Variants in NTM observed in about 807,000 individuals in gnomAD.
NTM encodes neurotrimin, also known as IgLON family member 2.
A neutral mutation model predicts 42.1 loss-of-function variants in NTM; 13 were observed. The observed-to-expected ratio is 0.31, with a 90% CI of 0.20 to 0.49. The LOEUF (loss-of-function observed/expected upper bound fraction) is 0.49, where lower values mean the gene tolerates loss of function less well. Ranked by LOEUF, NTM falls within the 20% of genes least tolerant of loss-of-function variation. The pLI is 0.99. For missense variants in NTM, 373 were observed against 452.8 expected, an observed-to-expected ratio of 0.82 and a Z score of 1.60; for synonymous variants, 187 against 179.2, an observed-to-expected ratio of 1.04 and a Z score of -0.35.
Position 131,971,987 on chromosome 11 carries a change from G to A in NTM, c.167+60339G>A, listed in dbSNP as rs1223154496. Among the ~76,000 whole-genome samples, 3 of 146,190 alleles carry A rather than the reference G, an allele frequency of 2.1e-5. No individual in the cohort carries two copies. In the Admixed American group the frequency reaches 2.1e-4, roughly 10 times the overall value. ...GAACCCTGGATGCGGAGCTTGCAGT[G>A]GGCTGAGATTGCGCCACTGCACTCC... On this transcript the variant is annotated intron_variant, in intron 2 of 8. Transcript: ENST00000683400.
At chr11:131,999,337 A>G (rs1276631513) in intron 2 of NTM, among the ~76,000 whole-genome samples, 2 of 152,220 alleles carry the variant, frequency 1.3e-5, no homozygotes, top group East Asian at 1.9e-4. Context: ...AGCCAAGTCA[A>G]TAATTCAAGC....
At chr11:131,584,032 T>C (rs2058641679) in intron 1 of NTM, among the ~76,000 whole-genome samples, 1 of 152,184 alleles carries the variant, frequency 6.6e-6, no homozygotes, top group Non-Finnish European at 1.5e-5. Flanking sequence ...AGTGATGTTT[T>C]ATGAATGCTG....
In NTM at chr11:132,162,667, G is replaced by T. The variant is rs570943049; in HGVS notation, c.400+16153G>T. Among the ~76,000 whole-genome samples the T allele has an allele frequency of 2.3e-3, 345 of 147,846 alleles. 1 individual carries two copies. The highest frequency in any genetic ancestry group is 8.2e-3 in the African/African-American group (315 of 38,514). ...ATGTGTGTGTTTGTGGGGCTTGTGT[G>T]AGTGTGTGTGTGTTTGTGTAGGGAA... On this transcript the variant is annotated intron_variant, in intron 3 of 8. Coordinates refer to ENST00000683400, the MANE Select transcript of NTM (RefSeq NM_001352005.2).
intron 2 of NTM, among the ~76,000 whole-genome samples, chr11:132,104,594 T>G (rs1380927860): frequency 2.0e-5 from 2 of 99,248 alleles, no homozygotes; most frequent in African/African-American, 4.5e-5. Context: ...CCACCAAAAA[T>G]AATAATAACT....
chr11:132,139,803 A>T (rs1181294025), intron 2 of NTM, among the ~76,000 whole-genome samples: 1 of 152,190 alleles, frequency 6.6e-6, no homozygotes. Flanking sequence ...AGTTTGTGAA[A>T]GATGGGAGAT....
intron 1 of NTM, among the ~76,000 whole-genome samples, chr11:131,378,941 C>T (rs997145332): frequency 6.6e-5 from 10 of 152,232 alleles, no homozygotes; most frequent in African/African-American, 2.4e-4. Context: ...AGAAGTGATG[C>T]TGGCTCCACT....
intron 1 of NTM, among the ~76,000 whole-genome samples, chr11:131,789,636 A>AAGAAGAAGAAGAAGAAGAAGAAG (rs1555127950): frequency 6.5e-5 from 2 of 30,900 alleles, no homozygotes; most frequent in African/African-American, 2.4e-4. Flanking sequence ...AAGAAGAAGA[A>AAGAAGAAGAAGAAGAAGAAGAAG]AAGAAGAAGA....
chr11:131,573,679 C>T (rs1229030206), intron 1 of NTM: 2 of 152,198 alleles, frequency 1.3e-5, no homozygotes, highest in South Asian at 2.1e-4. Context: ...TTAACAAGTG[C>T]CTTCTATCCA....
intron 1 of NTM, among the ~76,000 whole-genome samples, chr11:131,635,501 G>A (rs1297947177): frequency 6.6e-6 from 1 of 152,140 alleles, no homozygotes; most frequent in Non-Finnish European, 1.5e-5. Flanking sequence ...GAAAGATAAT[G>A]TTTTTGTACA....
At chr11:132,192,457 C>T (rs1337613069) in intron 3 of NTM, among the ~76,000 whole-genome samples, 1 of 152,086 alleles carries the variant, frequency 6.6e-6, no homozygotes, top group Non-Finnish European at 1.5e-5. Flanking sequence ...TTCAGACAAG[C>T]AAACACTAAG....
At chr11:131,926,210 G>T (rs1245715355) in intron 2 of NTM, among the ~76,000 whole-genome samples, 1 of 152,166 alleles carries the variant, frequency 6.6e-6, no homozygotes, top group Non-Finnish European at 1.5e-5. Context: ...CCCTGGCTGA[G>T]TAAACAGAGT....
intron 2 of NTM, among the ~76,000 whole-genome samples, chr11:132,045,886 G>C (rs1016235850): frequency 2.6e-5 from 4 of 152,192 alleles, no homozygotes; most frequent in African/African-American, 9.7e-5. Flanking sequence ...AAATCTGTCC[G>C]AGGATCTGGA....
At chr11:131,864,813 A>G (rs970446085) in intron 1 of NTM, among the ~76,000 whole-genome samples, 3 of 152,200 alleles carry the variant, frequency 2.0e-5, no homozygotes, top group African/African-American at 7.2e-5. Context: ...GACAGTTCTC[A>G]TATTCAGAAT....
At chr11:131,723,537 C>T (rs976647589) in intron 1 of NTM, among the ~76,000 whole-genome samples, 1 of 152,166 alleles carries the variant, frequency 6.6e-6, no homozygotes, top group Admixed American at 6.6e-5. Context: ...TATTTCCTTC[C>T]TTCCTTTTTC....
chr11:131,474,714 A>G (rs1323684008), intron 1 of NTM, among the ~76,000 whole-genome samples: 1 of 152,140 alleles, frequency 6.6e-6, no homozygotes, highest in African/African-American at 2.4e-5. Context: ...TTTCAAATAT[A>G]GGCCCATCTT....
At chr11:132,310,400 T>G (rs2095245620) in intron 6 of NTM, among the ~76,000 whole-genome samples, 168 bp downstream of exon 6, 1 of 152,164 alleles carries the variant, frequency 6.6e-6, no homozygotes, top group Non-Finnish European at 1.5e-5. Flanking sequence ...TTAATGGATT[T>G]CAGCTACGTT....
chr11:131,770,461 C>T (rs1363786744), intron 1 of NTM, among the ~76,000 whole-genome samples: 1 of 152,222 alleles, frequency 6.6e-6, no homozygotes, highest in Non-Finnish European at 1.5e-5. Flanking sequence ...CTTCCAAGAG[C>T]AGTCACTTCA....
At chr11:131,632,497 T>C (rs1366935444) in intron 1 of NTM, among the ~76,000 whole-genome samples, 4 of 152,146 alleles carry the variant, frequency 2.6e-5, no homozygotes, top group Non-Finnish European at 5.9e-5. Flanking sequence ...AAAGCTCTCA[T>C]GGACAATGGT....
At chr11:132,166,813 C>T (rs766380125) in intron 3 of NTM, among the ~76,000 whole-genome samples, 2 of 152,194 alleles carry the variant, frequency 1.3e-5, no homozygotes, top group African/African-American at 2.4e-5. Context: ...CACTGACCAT[C>T]ATTCCTAGCA....
Sources: allele counts gnomAD v4.1 joint callset (sites outside exome capture counted in the v4.1 genomes callset), GRCh38; gene constraint gnomAD v4.1.1; transcripts MANE v1.5; gene names NCBI Gene and HGNC (gene_info 2026-07-23, HGNC 2026-07-21).